The following CEP126 variants were observed in gnomAD, a reference collection of about 807,000 sequenced individuals.
CEP126 encodes the protein centrosomal protein of 126 kDa.
In CEP126, 74 loss-of-function variants were observed where a neutral mutation model predicts 107.8. The observed-to-expected ratio is 0.69, with a 90% CI of 0.57 to 0.83. The LOEUF is 0.83. CEP126 is among the 40% of genes least tolerant of loss of function. The pLI is 0.00. For synonymous variants in CEP126, 449 were observed against 446.0 expected (o/e 1.01, Z -0.08); for missense variants, 1,237 against 1,281.9 (o/e 0.96, Z 0.53).
chr11:101,934,106 A>G (rs1292728292), intron 2 of CEP126, among the ~76,000 whole-genome samples: 1 of 151,846 alleles, frequency 6.6e-6, no homozygotes, highest in Non-Finnish European at 1.5e-5. Flanking sequence ...TTTCTCTAAA[A>G]TCCTCCAGCT....
intron 1 of CEP126, among the ~76,000 whole-genome samples, chr11:101,918,002 AC>A (rs1940255900): frequency 6.6e-6 from 1 of 152,122 alleles, no homozygotes; most frequent in African/African-American, 2.4e-5. Flanking sequence ...ACCTTCCATC[AC>A]ACTCGATAGA....
At chr11:101,925,829 A>C (rs903947093) in intron 2 of CEP126, among the ~76,000 whole-genome samples, 2 of 141,580 alleles carry the variant, frequency 1.4e-5, no homozygotes, top group Admixed American at 1.5e-4. Flanking sequence ...TAATTTTTGT[A>C]TTTTTAGTAA....
chr11:101,971,938 G>A (rs770886057), intron 6 of CEP126, among the ~76,000 whole-genome samples: 2 of 151,764 alleles, frequency 1.3e-5, no homozygotes, highest in Non-Finnish European at 2.9e-5. Context: ...GTGAAACCCC[G>A]TCTCTACTAA....
chr11:101,944,817 G>A (rs1161281746), intron 3 of CEP126, among the ~76,000 whole-genome samples: 1 of 152,116 alleles, frequency 6.6e-6, no homozygotes, highest in Non-Finnish European at 1.5e-5. Flanking sequence ...AGTCTACAGA[G>A]TAATATAATC....
intron 2 of CEP126, among the ~76,000 whole-genome samples, chr11:101,935,355 GAT>G (rs913631478): frequency 6.6e-6 from 1 of 151,924 alleles, no homozygotes; most frequent in Non-Finnish European, 1.5e-5. Flanking sequence ...TTTACATTGT[GAT>G]GACGTACAAT....
chr11:101,938,159 C>CAAAAAAAAAAAAAAAAAAAAAAAAAA (rs1491167740), intron 2 of CEP126, among the ~76,000 whole-genome samples: 7 of 39,246 alleles, frequency 1.8e-4, no homozygotes, highest in East Asian at 9.4e-4. Flanking sequence ...GACTCTGTCT[C>CAAAAAAAAAAAAAAAAAAAAAAAAAA]AAAAAAAAAA....
chr11:101,987,181 G>A, intron 9 of CEP126, 140 bp downstream of exon 9: 1 of 608,306 alleles, frequency 1.6e-6, no homozygotes, highest in Non-Finnish European at 2.9e-6. Flanking sequence ...TAACCATTCA[G>A]ACTATATTTG....
At chr11:101,941,822 G>A (rs1278913345) in intron 2 of CEP126, among the ~76,000 whole-genome samples, 1 of 151,854 alleles carries the variant, frequency 6.6e-6, no homozygotes, top group Admixed American at 6.6e-5. Flanking sequence ...ATTTAGTTTT[G>A]TTTTTTAAAT....
At chr11:101,951,052 A>AT (rs1940805694) in intron 4 of CEP126, among the ~76,000 whole-genome samples, 1 of 152,194 alleles carries the variant, frequency 6.6e-6, no homozygotes, top group African/African-American at 2.4e-5. Context: ...GAACAGTACT[A>AT]TTTTGTATAG....
In CEP126 at chr11:101,987,010, G is replaced by T. The variant is rs1163789202; in HGVS notation, c.3213G>T (p.Glu1071Asp). The T allele has an allele frequency of 1.9e-6, 3 of 1,612,692 alleles. No homozygotes were observed. In the South Asian group the frequency reaches 3.3e-5, roughly 18 times the overall value. ...TLSAEEQKIL[E>D]SLNDLSERLH... ...CAGCTGAAGAACAGAAGATCCTAGAGTCCCTTAATGATCTCAGTGAAAGAC... is the reference window on the plus strand; with the variant it reads ...CAGCTGAAGAACAGAAGATCCTAGATTCCCTTAATGATCTCAGTGAAAGAC... The change falls in exon 9 of 11, where the codon GAG becomes GAT. Residue 1071 changes from glutamate to aspartate, a missense_variant. This residue lies in a region of CEP126 where 99 missense variants were observed against 114.4 expected (regional missense o/e 0.87). Transcript: ENST00000263468.
chr11:101,992,825 C>T lies in CEP126; in HGVS notation c.3292C>T (p.Gln1098Ter), dbSNP rs758992927. 7 of 1,539,108 alleles carry T rather than the reference C, an allele frequency of 4.5e-6. No individual in the cohort carries two copies. Among genetic ancestry groups the T allele is most frequent in the African/African-American group, 1.4e-5 (1 of 70,868 alleles). ...AAACCCATCCATCAAAAATACTTTA[C>T]AAATAATACCACTTCTGGTAAGTAT... ...CKNPSIKNTL[Q>*]IIPLLEKRED... The change falls in exon 10 of 11, where the codon CAA (glutamine) becomes TAA (stop). Residue 1098 changes from glutamine (Q) to a stop codon, truncating the protein, a stop_gained. Coordinates refer to ENST00000263468, the MANE Select transcript of CEP126 (RefSeq NM_020802.4). LOFTEE classifies it high-confidence loss of function.
chr11:101,922,911 T>C, intron 2 of CEP126, 151 bp downstream of exon 2: 1 of 660,384 alleles, frequency 1.5e-6, no homozygotes. Flanking sequence ...TAAATTTTAT[T>C]ATTGTTTTCC....
chr11:101,941,849 A>G (rs1202073100), intron 2 of CEP126, among the ~76,000 whole-genome samples: 1 of 151,962 alleles, frequency 6.6e-6, no homozygotes, highest in African/African-American at 2.4e-5. Context: ...CATCCTAATC[A>G]GTGTGGTGTG....
At chr11:101,923,773 T>G (rs1005292186) in intron 2 of CEP126, among the ~76,000 whole-genome samples, 3 of 152,186 alleles carry the variant, frequency 2.0e-5, no homozygotes, top group Admixed American at 1.3e-4. Flanking sequence ...AGTAATGGAC[T>G]TTGGAGTCAG....
At chr11:101,982,024 A>C in intron 8 of CEP126, 60 bp downstream of exon 8, 1 of 900,590 alleles carries the variant, frequency 1.1e-6, no homozygotes, top group Middle Eastern at 2.4e-4. Flanking sequence ...TTTTTCTTGT[A>C]TGCCTATTCT....
chr11:101,936,410 AC>A (rs1318940989), intron 2 of CEP126, among the ~76,000 whole-genome samples: 1 of 150,870 alleles, frequency 6.6e-6, no homozygotes, highest in East Asian at 2.0e-4. Flanking sequence ...TTCTATATTG[AC>A]CTTGTATTCT....
At chr11:101,924,612 C>A (rs113187294) in intron 2 of CEP126, among the ~76,000 whole-genome samples, 2 of 152,140 alleles carry the variant, frequency 1.3e-5, no homozygotes, top group Admixed American at 6.5e-5. Context: ...ATTACAGGCA[C>A]GCACCCCCGT....
chr11:101,925,364 G>A (rs1441732893), intron 2 of CEP126, among the ~76,000 whole-genome samples: 1 of 152,124 alleles, frequency 6.6e-6, no homozygotes, highest in Non-Finnish European at 1.5e-5. Flanking sequence ...ACGTGAATGG[G>A]CATTTATTCA....
intron 4 of CEP126, among the ~76,000 whole-genome samples, chr11:101,951,385 A>T (rs1045046451): frequency 6.6e-6 from 1 of 151,992 alleles, no homozygotes; most frequent in Non-Finnish European, 1.5e-5. Context: ...GCTGGCACAC[A>T]CCTGTAGCTC....
Sources: allele counts gnomAD v4.1 joint callset (sites outside exome capture counted in the v4.1 genomes callset), GRCh38; gene constraint gnomAD v4.1.1; regional missense constraint gnomAD v4.1.1; transcripts MANE v1.5; gene names NCBI Gene and HGNC (gene_info 2026-07-23, HGNC 2026-07-21).